The following CFAP52 variants were observed in gnomAD, a reference collection of about 807,000 sequenced individuals.
CFAP52 encodes the protein cilia and flagella associated protein 52.
In CFAP52, 57 loss-of-function variants were observed where a neutral mutation model predicts 70.5. The ratio of observed to expected loss-of-function variants is 0.81; its 90% CI spans 0.65 to 1.01. CFAP52 has a LOEUF of 1.01. Ranked by LOEUF, CFAP52 falls within the 50% of genes least tolerant of loss-of-function variation. The pLI is 0.00. For missense variants in CFAP52, 785 were observed against 788.5 expected (o/e 1.00, Z 0.05); for synonymous variants, 267 against 292.5 (o/e 0.91, Z 0.89).
intron 8 of CFAP52, among the ~76,000 whole-genome samples, chr17:9,616,474 G>T (rs1428227069): frequency 1.5e-5 from 2 of 137,860 alleles, no homozygotes; most frequent in African/African-American, 5.7e-5. Flanking sequence ...CAGCCGGGAA[G>T]CTCGAACTGG....
intron 11 of CFAP52, among the ~76,000 whole-genome samples, chr17:9,637,864 C>T (rs1264588937): frequency 6.6e-6 from 1 of 152,228 alleles, no homozygotes; most frequent in Non-Finnish European, 1.5e-5. Context: ...GCGTGAGCTG[C>T]TGCACTCGGC....
At chr17:9,589,320 G>A (rs1209085100) in intron 3 of CFAP52, among the ~76,000 whole-genome samples, 3 of 152,210 alleles carry the variant, frequency 2.0e-5, no homozygotes, top group Admixed American at 6.5e-5. Context: ...GTTATATAAC[G>A]ATAGTTCTTC....
At chr17:9,597,883 A>C (rs990414777) in intron 4 of CFAP52, among the ~76,000 whole-genome samples, 1 of 152,108 alleles carries the variant, frequency 6.6e-6, no homozygotes, top group Non-Finnish European at 1.5e-5. Context: ...GAAAGAAAAG[A>C]AAAAGAGGAA....
chr17:9,576,687 C>T lies in CFAP52; in HGVS notation c.-9C>T. The T allele has an allele frequency of 6.2e-7, 1 of 1,607,404 alleles. No homozygotes were observed. On this transcript the variant is annotated 5_prime_UTR_variant, in exon 1 of 14. Coordinates refer to ENST00000352665, the MANE Select transcript of CFAP52 (RefSeq NM_145054.5). ...GGGAGGAGAGCAAAGTAATCAGAAC[C>T]TCCCAAGGATGGATAACAAAATTTC...
In CFAP52 at chr17:9,628,682, G is replaced by A. The variant is rs1910330355; in HGVS notation, c.1036G>A (p.Glu346Lys). 6.2e-7 allele frequency: 1 copy of A among 1,613,786 alleles called. No individual in the cohort carries two copies. Among genetic ancestry groups the A allele is most frequent in the African/African-American group, 1.3e-5 (1 of 74,902 alleles). Residue 346 changes from glutamate to lysine, a missense_variant, in exon 9 of 14, where the codon GAG (glutamate) becomes AAG (lysine). Glu to Lys is a moderately conservative substitution (Grantham distance 56). Coordinates refer to ENST00000352665, the MANE Select transcript of CFAP52 (RefSeq NM_145054.5). Reference sequence around the variant, plus strand: ...ATGGCTTCCTTGCAGTGGCACTGCTGAGCTATTTGCAACCTGTGCCAAGAA... The same window carrying A: ...ATGGCTTCCTTGCAGTGGCACTGCTAAGCTATTTGCAACCTGTGCCAAGAA... ...EDIVFPFGTA[E>K]LFATCAKKDI...
Position 9,643,281 on chromosome 17 carries a change from A to T in CFAP52, c.*83A>T, listed in dbSNP as rs1911173096. ...TTAGATAACTCCAACACTAGTCTTC[A>T]TTTCTCACAGCTCTGTTTTTGTTCT... On this transcript the variant is annotated 3_prime_UTR_variant, in exon 14 of 14. Coordinates refer to ENST00000352665, the MANE Select transcript of CFAP52 (RefSeq NM_145054.5). The T allele has an allele frequency of 8.2e-7, 1 of 1,212,976 alleles. No individual in the cohort carries two copies. The highest frequency in any genetic ancestry group is 3.0e-5 in the Admixed American group (1 of 33,864). The allele number at this position is 1,212,976 out of a possible 1,614,324, so 75.1% of individuals were successfully genotyped here. A position where few individuals can be genotyped will look rare whatever the true frequency, so the allele number is the denominator to read the frequency against.
intron 1 of CFAP52, among the ~76,000 whole-genome samples, chr17:9,577,817 G>T (rs921902484): frequency 9.2e-5 from 14 of 152,118 alleles, no homozygotes; most frequent in Non-Finnish European, 1.6e-4. Context: ...TGAGGCCGGG[G>T]GCAGTGGCTC....
chr17:9,605,809 G>T (rs1031106597), intron 6 of CFAP52, among the ~76,000 whole-genome samples: 56 of 151,796 alleles, frequency 3.7e-4, no homozygotes, highest in Non-Finnish European at 6.8e-4. Context: ...TATTCTGTAT[G>T]GCACTATAAT....
chr17:9,596,073 A>ATG (rs1909001600), intron 4 of CFAP52, among the ~76,000 whole-genome samples: 4 of 132,630 alleles, frequency 3.0e-5, no homozygotes, highest in Admixed American at 1.5e-4. Flanking sequence ...ATATATATAT[A>ATG]TATATATATA....
chr17:9,576,695 G>A lies in CFAP52; in HGVS notation c.-1G>A, dbSNP rs746523607. The A allele has an allele frequency of 4.3e-6, 7 of 1,612,116 alleles. No individual in the cohort carries two copies. In the Middle Eastern group the frequency reaches 8.3e-4, roughly 190 times the overall value. ...AGCAAAGTAATCAGAACCTCCCAAG[G>A]ATGGATAACAAAATTTCGCCGGAGG... On this transcript the variant is annotated 5_prime_UTR_variant, in exon 1 of 14. Transcript: ENST00000352665.
intron 5 of CFAP52, among the ~76,000 whole-genome samples, chr17:9,598,978 T>C (rs951321731): frequency 1.3e-5 from 2 of 152,170 alleles, no homozygotes; most frequent in Admixed American, 1.3e-4. Context: ...TTTCTGCCAC[T>C]GAAAATAAAG....
chr17:9,580,098 GCAA>G (rs1372691983), intron 1 of CFAP52, among the ~76,000 whole-genome samples: 1 of 152,110 alleles, frequency 6.6e-6, no homozygotes, highest in South Asian at 2.1e-4. Context: ...ACTAAAAACA[GCAA>G]CAACAACAAA....
chr17:9,580,336 G>T (rs935929549), intron 1 of CFAP52, among the ~76,000 whole-genome samples: 1 of 92,526 alleles, frequency 1.1e-5, no homozygotes, highest in Non-Finnish European at 2.4e-5. Context: ...AAAAAAAAAA[G>T]CCAGACCCTG....
At chr17:9,632,798 A>G in intron 9 of CFAP52, 90 bp from the exon 10 acceptor site, 1 of 1,531,310 alleles carries the variant, frequency 6.5e-7, no homozygotes, top group Non-Finnish European at 8.8e-7. Flanking sequence ...ACCACTCACC[A>G]GGCCTGCCTC....
At chr17:9,610,660 G>A (rs910971350) in intron 7 of CFAP52, among the ~76,000 whole-genome samples, 3 of 151,960 alleles carry the variant, frequency 2.0e-5, no homozygotes, top group Non-Finnish European at 2.9e-5. Flanking sequence ...TCAGGCTCCC[G>A]AGTAACTGGG....
chr17:9,584,452 G>C, intron 1 of CFAP52: 1 of 1,088,308 alleles, frequency 9.2e-7, no homozygotes. Context: ...TATTAAGGTT[G>C]TATCAATTTA....
chr17:9,581,424 GA>G (rs1388337173), intron 1 of CFAP52, among the ~76,000 whole-genome samples: 1 of 152,076 alleles, frequency 6.6e-6, no homozygotes, highest in Non-Finnish European at 1.5e-5. Context: ...AACTAATGAG[GA>G]AAGATGTCAA....
At chr17:9,634,831 A>G (rs1027415685) in intron 10 of CFAP52, among the ~76,000 whole-genome samples, 1 of 152,196 alleles carries the variant, frequency 6.6e-6, no homozygotes, top group Non-Finnish European at 1.5e-5. Context: ...TTAAAGCATC[A>G]TATTAATGAT....
chr17:9,614,157 C>CTTTTTTTTTTTTTTTTTTTTTTTTT (rs11347755), intron 8 of CFAP52, among the ~76,000 whole-genome samples: 1 of 93,982 alleles, frequency 1.1e-5, no homozygotes, highest in Non-Finnish European at 2.2e-5. Flanking sequence ...TTCTTTCTTT[C>CTTTTTTTTTTTTTTTTTTTTTTTTT]TTTTTTTTTT....
Sources: gnomAD v4.1 joint callset for allele counts (sites outside exome capture counted in the v4.1 genomes callset) on GRCh38, gnomAD v4.1.1 for gene constraint, MANE v1.5 for transcripts, NCBI Gene and HGNC (gene_info 2026-07-23, HGNC 2026-07-21) for gene names.